The following MYO18B variants were observed in gnomAD, a reference collection of about 807,000 sequenced individuals.
MYO18B encodes myosin XVIIIB.
A neutral mutation model predicts 273.0 loss-of-function variants in MYO18B; 204 were observed. The ratio of observed to expected loss-of-function variants is 0.75; its 90% CI spans 0.67 to 0.84. MYO18B has a LOEUF of 0.84. Among genes scored for constraint, MYO18B ranks in the 40% least tolerant of loss-of-function variants. MYO18B has a pLI of 0.00. For missense variants in MYO18B, 3,212 were observed against 3,287.6 expected (o/e 0.98, Z 0.56); for synonymous variants, 1,330 against 1,305.7 (o/e 1.02, Z -0.40).
intron 21 of MYO18B, among the ~76,000 whole-genome samples, chr22:25,853,122 C>T (rs770845749): frequency 1.3e-5 from 2 of 152,098 alleles, no homozygotes; most frequent in Admixed American, 6.5e-5. Context: ...ATACATTAAC[C>T]ACCATCATCA....
intron 42 of MYO18B, among the ~76,000 whole-genome samples, chr22:26,021,956 T>C (rs1025137276): frequency 6.6e-6 from 1 of 152,156 alleles, no homozygotes; most frequent in African/African-American, 2.4e-5. Flanking sequence ...AGCCCCGGCA[T>C]CTTTGTGGCT....
intron 34 of MYO18B, among the ~76,000 whole-genome samples, chr22:25,930,620 C>T (rs1969502295): frequency 6.6e-6 from 1 of 151,684 alleles, no homozygotes; most frequent in African/African-American, 2.4e-5. Flanking sequence ...TACAGGCATG[C>T]ACCACCACAC....
intron 13 of MYO18B, among the ~76,000 whole-genome samples, chr22:25,825,914 A>T (rs375746832): frequency 2.0e-5 from 3 of 152,334 alleles, no homozygotes; most frequent in African/African-American, 2.4e-5. Context: ...GAAAAAGGGA[A>T]TCATAAACAT....
At chr22:25,841,931 T>C (rs1435120075) in intron 17 of MYO18B, among the ~76,000 whole-genome samples, 3 of 152,250 alleles carry the variant, frequency 2.0e-5, no homozygotes, top group African/African-American at 7.2e-5. Flanking sequence ...GTGGGTGCTT[T>C]ACTCTCCCAT....
intron 40 of MYO18B, among the ~76,000 whole-genome samples, chr22:25,997,976 C>CGAGAGAGAGAGAGAGAGAGAGAG (rs1381007559): frequency 2.5e-5 from 3 of 121,174 alleles, no homozygotes; most frequent in African/African-American, 6.2e-5. Flanking sequence ...CACACACACA[C>CGAGAGAGAGAGAGAGAGAGAGAG]ACGAGAGAGA....
At chr22:25,994,915 A>G (rs1385640694) in intron 40 of MYO18B, among the ~76,000 whole-genome samples, 1 of 152,234 alleles carries the variant, frequency 6.6e-6, no homozygotes, top group Non-Finnish European at 1.5e-5. Flanking sequence ...GCATAGCAAG[A>G]GATTGCTTTT....
At chr22:25,988,585 T>C (rs1260456348) in intron 39 of MYO18B, among the ~76,000 whole-genome samples, 1 of 152,176 alleles carries the variant, frequency 6.6e-6, no homozygotes, top group Non-Finnish European at 1.5e-5. Flanking sequence ...TTTCATGTCT[T>C]TTCTATGTAG....
At chr22:25,837,813 C>A (rs897945590) in intron 17 of MYO18B, among the ~76,000 whole-genome samples, 1 of 152,228 alleles carries the variant, frequency 6.6e-6, no homozygotes, top group African/African-American at 2.4e-5. Context: ...GCTGACTTCT[C>A]TGCCCATCAT....
chr22:25,834,917 C>T (rs1039356326), intron 16 of MYO18B, among the ~76,000 whole-genome samples: 8 of 152,150 alleles, frequency 5.3e-5, no homozygotes, highest in Non-Finnish European at 8.8e-5. Flanking sequence ...ACAAATAGAC[C>T]AGCTGCCTGT....
intron 7 of MYO18B, among the ~76,000 whole-genome samples, chr22:25,773,526 C>G (rs189662114): frequency 6.6e-6 from 1 of 152,072 alleles, no homozygotes; most frequent in African/African-American, 2.4e-5. Context: ...TGCAGTGGCA[C>G]GATCTCGGCT....
rs374307266 is a variant in MYO18B at position 25,787,410 on chromosome 22, G to T, written c.2376+1919G>T. On this transcript the variant is annotated intron_variant, in intron 11 of 43. Transcript: ENST00000335473. ...GCCTTTCTCACAAGTTCACAGCAAT[G>T]CTGATGCTGCTGGTCCAGGGACCCC... is the stretch of plus-strand genomic sequence containing the variant. Among the ~76,000 whole-genome samples the T allele has an allele frequency of 1.4e-3, 208 of 152,170 alleles. 9 individuals carry two copies. The South Asian group carries it at 0.043, about 31-fold the overall frequency.
the MYO18B span, among the ~76,000 whole-genome samples, chr22:26,061,956 C>T: frequency 1.3e-5 from 2 of 152,268 alleles, no homozygotes; most frequent in South Asian, 2.1e-4. Flanking sequence ...AAAGAGGTCT[C>T]TTCAATACAG....
chr22:26,051,214 C>T, the MYO18B span, among the ~76,000 whole-genome samples: 1 of 142,494 alleles, frequency 7.0e-6, no homozygotes, highest in Non-Finnish European at 1.5e-5. Flanking sequence ...GATAATTGGT[C>T]CCTTTTTTTT....
chr22:25,958,563 C>T (rs981458351), intron 39 of MYO18B, among the ~76,000 whole-genome samples: 2 of 152,140 alleles, frequency 1.3e-5, no homozygotes, highest in African/African-American at 2.4e-5. Flanking sequence ...CAACAAATAC[C>T]TATTCAACAC....
the MYO18B span, among the ~76,000 whole-genome samples, chr22:26,047,364 G>T: frequency 6.6e-6 from 1 of 152,114 alleles, no homozygotes; most frequent in Non-Finnish European, 1.5e-5. Context: ...CTGACCTCGT[G>T]ATCCACCCAC....
the MYO18B span, among the ~76,000 whole-genome samples, chr22:26,042,577 A>C: frequency 6.6e-6 from 1 of 152,234 alleles, no homozygotes; most frequent in Non-Finnish European, 1.5e-5. Flanking sequence ...ATACATAGCT[A>C]TGAGTGTTAC....
At chr22:25,745,787 A>G (rs576699624) in intron 1 of MYO18B, among the ~76,000 whole-genome samples, 51 of 152,344 alleles carry the variant, frequency 3.3e-4, no homozygotes, top group African/African-American at 1.2e-3. Context: ...TTCTCTGCCC[A>G]TAAAAGATGG....
At chr22:25,926,438 C>T (rs998168368) in intron 34 of MYO18B, among the ~76,000 whole-genome samples, 4 of 152,032 alleles carry the variant, frequency 2.6e-5, no homozygotes, top group Non-Finnish European at 5.9e-5. Flanking sequence ...GCATCCGCCA[C>T]CATGCCCTGC....
the MYO18B span, among the ~76,000 whole-genome samples, chr22:26,038,468 A>G: frequency 6.6e-6 from 1 of 152,028 alleles, no homozygotes; most frequent in Admixed American, 6.6e-5. Context: ...TGGAATCTCA[A>G]TTGCTTCCTG....
Sources: gnomAD v4.1 joint callset for allele counts (sites outside exome capture counted in the v4.1 genomes callset) on GRCh38, gnomAD v4.1.1 for gene constraint, MANE v1.5 for transcripts, NCBI Gene and HGNC (gene_info 2026-07-23, HGNC 2026-07-21) for gene names.